Variants in LIPI observed in about 807,000 individuals in gnomAD.
The protein encoded by LIPI is lipase I, also known as lipase member I.
In LIPI, 59 loss-of-function variants were observed where a neutral mutation model predicts 50.6. That is an observed-to-expected ratio of 1.16 (90% CI 0.94 to 1.45). The LOEUF (loss-of-function observed/expected upper bound fraction) is 1.45. Among genes scored for constraint, LIPI ranks in the 40% most tolerant of loss-of-function variants. LIPI has a pLI of 0.00. For synonymous variants in LIPI, 203 were observed against 178.2 expected (o/e 1.14, Z -1.11); for missense variants, 586 against 536.3 (o/e 1.09, Z -0.92).
chr21:14,166,764 A>T (rs2018701422), intron 4 of LIPI, among the ~76,000 whole-genome samples: 1 of 152,350 alleles, frequency 6.6e-6, no homozygotes, highest in East Asian at 1.9e-4. Flanking sequence ...TCCAGTCTTC[A>T]GCTCCCAGTG....
intron 1 of LIPI, among the ~76,000 whole-genome samples, chr21:14,209,143 A>G (rs1197848279): frequency 1.3e-5 from 2 of 152,222 alleles, no homozygotes; most frequent in Non-Finnish European, 2.9e-5. Flanking sequence ...AACTGTACTA[A>G]GAATAAATAT....
chr21:14,176,349 T>C (rs392006), intron 4 of LIPI, among the ~76,000 whole-genome samples: 26,541 of 151,932 alleles, frequency 0.17, 2,748 homozygotes, highest in South Asian at 0.27. Context: ...CATTTCTGTG[T>C]GTTTCTATCG....
At chr21:14,195,208 A>G (rs2019803367) in intron 1 of LIPI, among the ~76,000 whole-genome samples, 1 of 152,094 alleles carries the variant, frequency 6.6e-6, no homozygotes, top group Admixed American at 6.6e-5. Flanking sequence ...AAAACTCTGA[A>G]ATCTGCATAG....
chr21:14,132,513 C>G (rs535457148), intron 9 of LIPI, among the ~76,000 whole-genome samples: 1 of 152,192 alleles, frequency 6.6e-6, no homozygotes, highest in African/African-American at 2.4e-5. Context: ...ATTTCCCAGA[C>G]AAGCAAATGC....
intron 4 of LIPI, among the ~76,000 whole-genome samples, chr21:14,167,521 C>T (rs1423325652): frequency 1.3e-5 from 2 of 152,300 alleles, no homozygotes; most frequent in Non-Finnish European, 2.9e-5. Context: ...ACAAAACTTC[C>T]AGAGGAATGA....
At chr21:14,204,247 G>A (rs188184455) in intron 1 of LIPI, among the ~76,000 whole-genome samples, 185 of 151,358 alleles carry the variant, frequency 1.2e-3, no homozygotes, top group African/African-American at 4.1e-3. Flanking sequence ...GGTTTAAGCC[G>A]GTTTAAACTA....
chr21:14,159,311 T>C (rs2018382453), intron 7 of LIPI, among the ~76,000 whole-genome samples: 1 of 151,480 alleles, frequency 6.6e-6, no homozygotes, highest in South Asian at 2.1e-4. Context: ...TAAGCCCAAG[T>C]AGAATTTATT....
rs1265761055 is a variant in LIPI, at chr21:14,163,272, T to TG, written c.1006+146_1006+147insC. ...AAAAAGATCAAGTCCTTAGTTGAATTTGTCCCACTGGCTATAGCAAATTTT... is the reference window on the plus strand; with the variant it reads ...AAAAAGATCAAGTCCTTAGTTGAATTGTGTCCCACTGGCTATAGCAAATTTT... On this transcript the variant is annotated intron_variant, in intron 7 of 9. Transcript: ENST00000681601. The TG allele has an allele frequency of 1.8e-5, 10 of 555,214 alleles. No homozygotes were observed. The East Asian group carries it at 3.0e-4, about 17-fold the overall frequency. 34.4% of individuals were successfully genotyped at this position (555,214 alleles called of 1,614,324 possible).
At chr21:14,168,921 T>C (rs1257386388) in intron 4 of LIPI, among the ~76,000 whole-genome samples, 1 of 151,092 alleles carries the variant, frequency 6.6e-6, no homozygotes, top group African/African-American at 2.4e-5. Context: ...GACTGGCAAA[T>C]TGGATAAAGA....
At chr21:14,135,453 C>A (rs759275096) in intron 9 of LIPI, among the ~76,000 whole-genome samples, 1 of 152,186 alleles carries the variant, frequency 6.6e-6, no homozygotes, top group Non-Finnish European at 1.5e-5. Flanking sequence ...CCTCCCCCAT[C>A]CCCAGGAGTG....
Position 14,210,808 on chromosome 21 carries a change from AC to A in LIPI, c.37del (p.Val13Ter). 1 of 1,213,338 alleles carries A rather than the reference AC, an allele frequency of 8.2e-7. No homozygotes were observed. Among genetic ancestry groups the A allele is most frequent in the South Asian group, 1.4e-5 (1 of 73,174 alleles). The allele number at this position is 1,213,338 out of a possible 1,614,324, so 75.2% of individuals were successfully genotyped here. A position where few individuals can be genotyped will look rare whatever the true frequency, so the allele number is the denominator to read the frequency against. On this transcript the variant is annotated frameshift_variant, in exon 1 of 10. Coordinates refer to ENST00000681601, the MANE Select transcript of LIPI (RefSeq NM_001302998.2). LOFTEE classifies it high-confidence loss of function. Reference sequence around the variant, plus strand: ...ATTAATTAATATCTTACCAGATCTCACCCAGCACATCAAACAAAGAAAAATG... The same window carrying A: ...ATTAATTAATATCTTACCAGATCTCACCAGCACATCAAACAAAGAAAAATG... The part of the protein sequence containing the change: ...VYIFLCLMCW[V>X]RSDNKRPCLE...
chr21:14,200,674 T>C (rs1393904183), intron 1 of LIPI, among the ~76,000 whole-genome samples: 4 of 152,016 alleles, frequency 2.6e-5, no homozygotes, highest in African/African-American at 4.8e-5. Context: ...ATCATTAAAA[T>C]GACCATACTG....
At chr21:14,165,467 A>G in intron 5 of LIPI, 77 bp from the exon 6 acceptor site, 1 of 1,134,448 alleles carries the variant, frequency 8.8e-7, no homozygotes, top group Non-Finnish European at 1.3e-6. Flanking sequence ...CAAAGTAAAG[A>G]TGAAGTTTTG....
chr21:14,179,918 T>A (rs982416503), intron 4 of LIPI, among the ~76,000 whole-genome samples: 2 of 151,890 alleles, frequency 1.3e-5, no homozygotes, highest in African/African-American at 4.8e-5. Flanking sequence ...GCCTGTGGGG[T>A]CGGGCAAAAA....
intron 4 of LIPI, among the ~76,000 whole-genome samples, chr21:14,169,752 G>C (rs958403362): frequency 6.6e-6 from 1 of 152,106 alleles, no homozygotes; most frequent in African/African-American, 2.4e-5. Flanking sequence ...ATGCCCACAA[G>C]AGAAAGCAGG....
chr21:14,194,088 T>A (rs2019766354), intron 1 of LIPI, among the ~76,000 whole-genome samples: 1 of 152,044 alleles, frequency 6.6e-6, no homozygotes, highest in Non-Finnish European at 1.5e-5. Flanking sequence ...AAAAGTATAA[T>A]GAGATGCCAC....
intron 8 of LIPI, among the ~76,000 whole-genome samples, chr21:14,150,015 T>C (rs775009206): frequency 2.0e-5 from 3 of 152,194 alleles, no homozygotes; most frequent in African/African-American, 4.8e-5. Context: ...GAACTCTGTA[T>C]AGGGCTCCAA....
At chr21:14,160,678 C>T (rs1458442201) in intron 7 of LIPI, among the ~76,000 whole-genome samples, 2 of 151,200 alleles carry the variant, frequency 1.3e-5, no homozygotes, top group African/African-American at 2.4e-5. Context: ...TTTTTCTCTG[C>T]CCATGCTTTT....
chr21:14,153,948 C>T (rs1008213577), intron 7 of LIPI, among the ~76,000 whole-genome samples: 2 of 152,056 alleles, frequency 1.3e-5, no homozygotes, highest in Non-Finnish European at 2.9e-5. Context: ...AAGACCCCCA[C>T]AAATTTACAT....
Sources: allele counts gnomAD v4.1 joint callset (sites outside exome capture counted in the v4.1 genomes callset), GRCh38; gene constraint gnomAD v4.1.1; transcripts MANE v1.5; gene names NCBI Gene and HGNC (gene_info 2026-07-23, HGNC 2026-07-21).